The following EYA1 variants were observed in gnomAD, a reference collection of about 807,000 sequenced individuals.
EYA1 encodes EYA transcriptional coactivator and phosphatase 1.
EYA1 carries 16 observed loss-of-function variants against 82.0 expected under a neutral mutation model. The observed-to-expected ratio is 0.20, with a 90% CI of 0.13 to 0.30. The LOEUF (loss-of-function observed/expected upper bound fraction) is 0.30. Among genes scored for constraint, EYA1 ranks in the 10% least tolerant of loss-of-function variants. EYA1 has a pLI of 1.00. For synonymous variants in EYA1, 261 were observed against 264.4 expected (o/e 0.99, Z 0.12); for missense variants, 633 against 730.7 (o/e 0.87, Z 1.54).
At chr8:71,498,144 A>G (rs184165359) in intron 2 of EYA1, among the ~76,000 whole-genome samples, 1 of 152,320 alleles carries the variant, frequency 6.6e-6, no homozygotes, top group East Asian at 1.9e-4. Flanking sequence ...TGATCAACAC[A>G]GTGACTATAG....
chr8:71,212,051 G>A (rs185904954), intron 16 of EYA1, among the ~76,000 whole-genome samples: 1 of 152,286 alleles, frequency 6.6e-6, no homozygotes, highest in Non-Finnish European at 1.5e-5. Context: ...CACAGTTAAT[G>A]CAAGCATTGT....
chr8:71,394,808 G>GT (rs1281942273), intron 2 of EYA1, among the ~76,000 whole-genome samples: 1 of 152,142 alleles, frequency 6.6e-6, no homozygotes, highest in Non-Finnish European at 1.5e-5. Flanking sequence ...CTTTAAAGTA[G>GT]TTTTTTCCAA....
chr8:71,406,681 C>T (rs777489174), intron 2 of EYA1, among the ~76,000 whole-genome samples: 1 of 152,164 alleles, frequency 6.6e-6, no homozygotes, highest in Non-Finnish European at 1.5e-5. Flanking sequence ...TAAAAAACCG[C>T]TCACCAGGAG....
chr8:71,496,117 C>A (rs1245259169), intron 2 of EYA1, among the ~76,000 whole-genome samples: 1 of 152,092 alleles, frequency 6.6e-6, no homozygotes, highest in African/African-American at 2.4e-5. Context: ...TGAAAATGTT[C>A]CAGTGAATGA....
intron 11 of EYA1, among the ~76,000 whole-genome samples, chr8:71,255,367 C>T (rs1216529659): frequency 1.3e-5 from 2 of 152,038 alleles, no homozygotes; most frequent in African/African-American, 2.4e-5. Context: ...ACACAGTAAT[C>T]AAAACAATGT....
chr8:71,505,963 G>A (rs1245821006), intron 2 of EYA1, among the ~76,000 whole-genome samples: 1 of 152,076 alleles, frequency 6.6e-6, no homozygotes, highest in South Asian at 2.1e-4. Context: ...ATAAGTGTTT[G>A]ACAGGTCCTT....
At chr8:71,274,284 G>T (rs1816875856) in intron 9 of EYA1, among the ~76,000 whole-genome samples, 1 of 152,154 alleles carries the variant, frequency 6.6e-6, no homozygotes, top group Non-Finnish European at 1.5e-5. Flanking sequence ...ATGCAAGCTA[G>T]TTATTTTTCA....
At chr8:71,239,603 T>G (rs1457664876) in intron 12 of EYA1, among the ~76,000 whole-genome samples, 8 of 152,200 alleles carry the variant, frequency 5.3e-5, no homozygotes, top group Non-Finnish European at 8.8e-5. Context: ...ATTCCATATG[T>G]GTGTACATAT....
At chr8:71,397,865 A>T (rs1002190557) in intron 2 of EYA1, among the ~76,000 whole-genome samples, 1 of 152,120 alleles carries the variant, frequency 6.6e-6, no homozygotes, top group Non-Finnish European at 1.5e-5. Context: ...GTTCTCCTGG[A>T]TAACATCCTG....
chr8:71,443,446 A>C (rs1806586777), intron 2 of EYA1, among the ~76,000 whole-genome samples: 1 of 152,054 alleles, frequency 6.6e-6, no homozygotes, highest in African/African-American at 2.4e-5. Context: ...ACGCCTGGCT[A>C]ATTTTTGTAT....
chr8:71,233,400 T>C (rs1479069817), intron 12 of EYA1, among the ~76,000 whole-genome samples: 3 of 151,842 alleles, frequency 2.0e-5, no homozygotes, highest in Non-Finnish European at 2.9e-5. Context: ...CCGTCTCTAC[T>C]AAAAACACAA....
At chr8:71,483,866 T>C (rs3935605) in intron 2 of EYA1, among the ~76,000 whole-genome samples, 104,458 of 152,080 alleles carry the variant, frequency 0.69, 37,842 homozygotes, top group African/African-American at 0.91. Flanking sequence ...GAGTAAGGTA[T>C]GAAATTGGAG....
At position 71,544,543 on chromosome 8, in the gene EYA1, G is replaced by T. The variant is rs1486897900; in HGVS notation, c.-73+3321C>A. ...AATCATCAAAGCCCTCTTCTCTAAGGTCAATTTTTCTTCTGCACCAACACA... is the reference window on the plus strand; with the variant it reads ...AATCATCAAAGCCCTCTTCTCTAAGTTCAATTTTTCTTCTGCACCAACACA... On this transcript the variant is annotated intron_variant, in intron 1 of 18. Transcript: ENST00000643681. 2.6e-5 allele frequency among the ~76,000 whole-genome samples: 4 copies of T among 152,238 alleles called. No individual in the cohort carries two copies. The East Asian group carries it at 7.7e-4, about 29-fold the overall frequency.
chr8:71,275,991 A>G (rs144174103), intron 9 of EYA1, among the ~76,000 whole-genome samples: 34 of 152,326 alleles, frequency 2.2e-4, no homozygotes, highest in African/African-American at 8.2e-4. Context: ...TGCTCTGACC[A>G]AAGTGTGAAT....
chr8:71,358,867 A>G (rs2129074996), intron 1 of EYA1, among the ~76,000 whole-genome samples: 1 of 152,262 alleles, frequency 6.6e-6, no homozygotes, highest in South Asian at 2.1e-4. Context: ...TTCAAAAGAG[A>G]AAAATATTAT....
At chr8:71,534,430 T>G in intron 2 of EYA1, among the ~76,000 whole-genome samples, 1 of 152,238 alleles carries the variant, frequency 6.6e-6, no homozygotes, top group East Asian at 1.9e-4. Context: ...ATCCATAAAA[T>G]ACACTCTGTA....
chr8:71,319,013 A>G (rs1369361306), intron 6 of EYA1, among the ~76,000 whole-genome samples: 1 of 152,204 alleles, frequency 6.6e-6, no homozygotes, highest in African/African-American at 2.4e-5. Context: ...TGATGGCTTT[A>G]GAAAATCCCT....
chr8:71,272,707 T>C (rs529295600), intron 9 of EYA1, among the ~76,000 whole-genome samples: 1 of 152,276 alleles, frequency 6.6e-6, no homozygotes, highest in South Asian at 2.1e-4. Flanking sequence ...AAAAAGCCAT[T>C]TACTCACACC....
At chr8:71,441,629 A>G (rs192329274) in intron 2 of EYA1, among the ~76,000 whole-genome samples, 127 of 152,286 alleles carry the variant, frequency 8.3e-4, no homozygotes, top group Admixed American at 1.3e-3. Flanking sequence ...TTGATTCAAA[A>G]CCCAGTTTCT....
Sources: gnomAD v4.1 joint callset for allele counts (sites outside exome capture counted in the v4.1 genomes callset) on GRCh38, gnomAD v4.1.1 for gene constraint, MANE v1.5 for transcripts, NCBI Gene and HGNC (gene_info 2026-07-23, HGNC 2026-07-21) for gene names.